MAEL: variants seen among roughly 807,000 people sequenced by gnomAD.
MAEL encodes maelstrom spermatogenic transposon silencer.
Under a neutral mutation model 62.0 loss-of-function variants are expected in MAEL, and 46 were observed. The ratio of observed to expected loss-of-function variants is 0.74; its 90% CI spans 0.59 to 0.95. The LOEUF (loss-of-function observed/expected upper bound fraction) is 0.95. MAEL is among the 40% of genes least tolerant of loss of function. The probability of loss-of-function intolerance (pLI) is 0.00; values close to 1 mark genes in which losing one functional copy is unlikely to be tolerated. For missense variants in MAEL, 497 were observed against 526.8 expected (o/e 0.94, Z 0.55); for synonymous variants, 172 against 175.5 (o/e 0.98, Z 0.16).
At chr1:167,013,532 A>G (rs769467946) in intron 8 of MAEL, among the ~76,000 whole-genome samples, 2 of 152,026 alleles carry the variant, frequency 1.3e-5, no homozygotes, top group South Asian at 4.1e-4. Context: ...CTTCTTTACC[A>G]CTCTGCAAAG....
intron 3 of MAEL, 66 bp from the exon 4 acceptor site, chr1:166,992,620 G>A (rs7511933): frequency 0.3 from 365,987 of 1,200,316 alleles, 56,985 homozygotes; most frequent in African/African-American, 0.35. Context: ...CAACTAAAGA[G>A]GCTTTTGTGG....
At chr1:166,975,727 G>A (rs1252137142) in intron 1 of MAEL, 1 of 152,050 alleles carries the variant, frequency 6.6e-6, no homozygotes, top group Admixed American at 6.5e-5. Flanking sequence ...CAGGCAGCGA[G>A]AGGCGCGGGG....
At chr1:166,989,604 G>A in intron 1 of MAEL, 120 bp downstream of exon 1, 1 of 1,481,144 alleles carries the variant, frequency 6.8e-7, no homozygotes, top group Non-Finnish European at 9.1e-7. Flanking sequence ...GGAAGAGGAA[G>A]GCCCCCGTTT....
chr1:166,988,669 GA>G (rs1664009220), upstream of MAEL, among the ~76,000 whole-genome samples: 1 of 152,032 alleles, frequency 6.6e-6, no homozygotes, highest in African/African-American at 2.4e-5. Context: ...TTTTTTAAAA[GA>G]AATTTTTCAT....
At chr1:167,006,612 T>TATATAC (rs1664912140) in intron 8 of MAEL, among the ~76,000 whole-genome samples, 1 of 70,286 alleles carries the variant, frequency 1.4e-5, no homozygotes, top group Non-Finnish European at 2.6e-5. Flanking sequence ...TATATATATA[T>TATATAC]ATATATATAT....
chr1:167,020,937 C>G, intron 10 of MAEL, 148 bp from the exon 11 acceptor site: 1 of 686,766 alleles, frequency 1.5e-6, no homozygotes, highest in East Asian at 2.8e-5. Flanking sequence ...ATTTTCTCCC[C>G]CTTTGCAGCA....
intron 5 of MAEL, among the ~76,000 whole-genome samples, chr1:167,002,210 A>G (rs1468753699): frequency 6.6e-6 from 1 of 152,136 alleles, no homozygotes; most frequent in Non-Finnish European, 1.5e-5. Flanking sequence ...TTTTCCATTT[A>G]TGTTAAAGAC....
intron 1 of MAEL, among the ~76,000 whole-genome samples, chr1:166,976,698 C>A (rs558845558): frequency 6.6e-6 from 1 of 152,300 alleles, no homozygotes; most frequent in African/African-American, 2.4e-5. Flanking sequence ...CAAGTAGCAT[C>A]TGAAAACAGA....
chr1:166,995,635 C>G (rs181486131), intron 5 of MAEL, among the ~76,000 whole-genome samples: 13 of 150,882 alleles, frequency 8.6e-5, no homozygotes, highest in Admixed American at 8.6e-4. Flanking sequence ...CTAATATCCC[C>G]AACTGTTACA....
chr1:166,980,462 AG>A (rs1337854242), intron 1 of MAEL, among the ~76,000 whole-genome samples: 24 of 152,326 alleles, frequency 1.6e-4, no homozygotes, highest in African/African-American at 5.8e-4. Flanking sequence ...GAGAGAAGCA[AG>A]GAGAAGGAGT....
Position 166,975,970 on chromosome 1 carries a change from C to T in MAEL, c.-121+304C>T, listed in dbSNP as rs528115948. 1.7e-4 allele frequency among the ~76,000 whole-genome samples: 26 copies of T among 152,114 alleles called. 1 individual carries two copies. Among genetic ancestry groups the T allele is most frequent in the Non-Finnish European group, 3.4e-4 (23 of 68,014 alleles). Reference sequence around the variant, plus strand: ...GGACTTAACTAGCAAGTCCTCTAGGCTAGAATGTTCGCTTCTGCGGTACCC... The same window carrying T: ...GGACTTAACTAGCAAGTCCTCTAGGTTAGAATGTTCGCTTCTGCGGTACCC... On this transcript the variant is annotated intron_variant, in intron 1 of 12. Transcript: ENST00000622874.
intron 1 of MAEL, among the ~76,000 whole-genome samples, chr1:166,983,769 A>G (rs1281067759): frequency 6.6e-6 from 1 of 152,104 alleles, no homozygotes; most frequent in Non-Finnish European, 1.5e-5. Context: ...TGAGAGGCTG[A>G]GACAGGCAGA....
At chr1:167,004,367 CAAAG>C (rs1311694813) in intron 6 of MAEL, 63 bp downstream of exon 6, 1 of 1,468,256 alleles carries the variant, frequency 6.8e-7, no homozygotes. Flanking sequence ...ATCCATAAAA[CAAAG>C]AATTTTTGCC....
intron 8 of MAEL, among the ~76,000 whole-genome samples, chr1:167,009,490 T>C (rs1457668116): frequency 1.3e-5 from 2 of 152,282 alleles, no homozygotes; most frequent in South Asian, 2.1e-4. Context: ...TAAAGTCTAA[T>C]ACTGTTACTA....
At chr1:167,011,971 T>A (rs987912617) in intron 8 of MAEL, among the ~76,000 whole-genome samples, 1 of 152,172 alleles carries the variant, frequency 6.6e-6, no homozygotes, top group Non-Finnish European at 1.5e-5. Flanking sequence ...GCCGTGGGAT[T>A]TTGTTAAAGG....
Position 167,017,872 on chromosome 1 carries a change from C to G in MAEL, c.954C>G (p.Leu318=), listed in dbSNP as rs1665459971. 6.2e-7 allele frequency: 1 copy of G among 1,613,242 alleles called. No homozygotes were observed. The highest frequency in any genetic ancestry group is 8.5e-7 in the Non-Finnish European group (1 of 1,179,476). The change falls in exon 10 of 12, where the codon CTC becomes CTG. Residue 318 remains leucine, a synonymous_variant. Coordinates refer to ENST00000367872, the MANE Select transcript of MAEL (RefSeq NM_032858.3). ...NSLATLFGIQ[L]TEAHVPLQDY... ...TGGCCACTCTCTTTGGAATCCAGCTCACAGAGGCTCATGTACCACTACAAG... is the reference window on the plus strand; with the variant it reads ...TGGCCACTCTCTTTGGAATCCAGCTGACAGAGGCTCATGTACCACTACAAG...
chr1:167,004,251 C>A lies in MAEL; in HGVS notation c.595C>A (p.Leu199Ile). 6.2e-7 allele frequency: 1 copy of A among 1,608,328 alleles called. No individual in the cohort carries two copies. The highest frequency in any genetic ancestry group is 8.5e-7 in the Non-Finnish European group (1 of 1,177,314). The change falls in exon 6 of 12, where the codon CTT becomes ATT. Residue 199 changes from leucine (L) to isoleucine (I), a missense_variant. Leu to Ile is a conservative substitution (Grantham distance 5, BLOSUM62 2). Transcript: ENST00000367872. ...TAACCAAGCAACTGTGTTACAAAAC[C>A]TTTATAGATTTATTCATCCCAACCC... The part of the protein sequence containing the change: ...GHNQATVLQN[L>I]YRFIHPNPGN...
intron 8 of MAEL, among the ~76,000 whole-genome samples, chr1:167,009,494 G>C (rs923490653): frequency 6.6e-6 from 1 of 151,524 alleles, no homozygotes; most frequent in African/African-American, 2.4e-5. Context: ...GTCTAATACT[G>C]TTACTAGGCT....
chr1:166,994,132 T>G, intron 5 of MAEL, 63 bp downstream of exon 5: 1 of 1,375,268 alleles, frequency 7.3e-7, no homozygotes, highest in Non-Finnish European at 1.0e-6. Flanking sequence ...GTTAGACTTA[T>G]TCCTTTTACA....
Sources: allele counts gnomAD v4.1 joint callset (sites outside exome capture counted in the v4.1 genomes callset), GRCh38; gene constraint gnomAD v4.1.1; transcripts MANE v1.5; gene names NCBI Gene and HGNC (gene_info 2026-07-23, HGNC 2026-07-21).